ATP6V1H: variants seen among roughly 807,000 people sequenced by gnomAD.
The protein encoded by ATP6V1H is ATPase H+ transporting V1 subunit H.
In ATP6V1H, 39 loss-of-function variants were observed where a neutral mutation model predicts 71.7. That is an observed-to-expected ratio of 0.54 (90% confidence interval 0.42 to 0.71). ATP6V1H has a LOEUF of 0.71. Among genes scored for constraint, ATP6V1H ranks in the 30% least tolerant of loss-of-function variants. The probability of loss-of-function intolerance (pLI) is 0.00; values close to 1 mark genes in which losing one functional copy is unlikely to be tolerated. For missense variants in ATP6V1H, 509 were observed against 594.9 expected (o/e 0.86, Z 1.50); for synonymous variants, 192 against 199.3 (o/e 0.96, Z 0.31).
intron 13 of ATP6V1H, among the ~76,000 whole-genome samples, chr8:53,719,886 C>T (rs937711004): frequency 2.0e-5 from 3 of 152,180 alleles, no homozygotes; most frequent in African/African-American, 2.4e-5. Context: ...AGAAGGCAGA[C>T]ACTTCCTTTT....
At chr8:53,832,186 A>G (rs776047743) in intron 3 of ATP6V1H, 2 of 152,124 alleles carry the variant, frequency 1.3e-5, no homozygotes, top group African/African-American at 2.4e-5. Context: ...TTTTTGTAAA[A>G]AGTTCACATT....
chr8:53,783,983 A>G (rs1365197105), intron 9 of ATP6V1H, among the ~76,000 whole-genome samples: 1 of 152,190 alleles, frequency 6.6e-6, no homozygotes, highest in Non-Finnish European at 1.5e-5. Flanking sequence ...ATTTTGGAAT[A>G]GGTGTGGTGT....
At chr8:53,772,874 C>T (rs1808715508) in intron 9 of ATP6V1H, among the ~76,000 whole-genome samples, 1 of 138,196 alleles carries the variant, frequency 7.2e-6, no homozygotes, top group African/African-American at 3.1e-5. Context: ...GCTACTTTCA[C>T]CAAGCTAGTT....
intron 12 of ATP6V1H, among the ~76,000 whole-genome samples, chr8:53,753,260 A>G (rs1445197121): frequency 1.3e-5 from 2 of 152,218 alleles, no homozygotes; most frequent in Non-Finnish European, 2.9e-5. Flanking sequence ...AAGCCACTGG[A>G]AGGACATAGA....
chr8:53,831,612 G>T (rs527931879), intron 3 of ATP6V1H, among the ~76,000 whole-genome samples: 11 of 152,184 alleles, frequency 7.2e-5, no homozygotes, highest in African/African-American at 2.4e-4. Flanking sequence ...AGACCCAGAG[G>T]GGGTGCTGGA....
intron 3 of ATP6V1H, among the ~76,000 whole-genome samples, chr8:53,830,211 T>C (rs1329544496): frequency 1.3e-5 from 2 of 152,162 alleles, no homozygotes; most frequent in Admixed American, 6.5e-5. Flanking sequence ...CCAAAAAACA[T>C]AGTTTTAAGT....
chr8:53,817,400 A>G lies in ATP6V1H; in HGVS notation c.420+17T>C, dbSNP rs768691397. On this transcript the variant is annotated intron_variant, in intron 5 of 13. Transcript: ENST00000359530. ...AAAAAAATTTTAAAAAAAGAATCCA[A>G]TCAATTCAAAATTTACCATATGAAC... The G allele has an allele frequency of 2.6e-6, 4 of 1,550,726 alleles. No individual in the cohort carries two copies. Among genetic ancestry groups the G allele is most frequent in the Non-Finnish European group, 3.5e-6 (4 of 1,129,452 alleles).
intron 7 of ATP6V1H, among the ~76,000 whole-genome samples, chr8:53,807,819 A>G (rs148359140): frequency 2.6e-5 from 4 of 152,356 alleles, no homozygotes; most frequent in Admixed American, 1.3e-4. Context: ...ATATTTCAAT[A>G]AGGCTCTTTT....
chr8:53,836,431 T>G (rs1428121308), intron 2 of ATP6V1H, among the ~76,000 whole-genome samples: 1 of 152,240 alleles, frequency 6.6e-6, no homozygotes, highest in Non-Finnish European at 1.5e-5. Flanking sequence ...TTGTTTAAGT[T>G]ATTTTCTCTC....
At chr8:53,764,844 T>C (rs897011819) in intron 11 of ATP6V1H, among the ~76,000 whole-genome samples, 1 of 152,084 alleles carries the variant, frequency 6.6e-6, no homozygotes, top group Non-Finnish European at 1.5e-5. Context: ...ATGCCTATAA[T>C]CCTAGCATTT....
chr8:53,780,064 C>G (rs1250551691), intron 9 of ATP6V1H, among the ~76,000 whole-genome samples: 1 of 149,860 alleles, frequency 6.7e-6, no homozygotes, highest in East Asian at 2.0e-4. Flanking sequence ...AAGGCTGAGG[C>G]AGGAGAATCA....
chr8:53,841,437 C>G (rs1811337755), intron 2 of ATP6V1H, 141 bp downstream of exon 2: 2 of 1,026,372 alleles, frequency 1.9e-6, no homozygotes, highest in African/African-American at 3.2e-5. Flanking sequence ...CTCCCTAAGA[C>G]AGCTAATTAT....
At position 53,831,610 on chromosome 8, in the gene ATP6V1H, AG is replaced by A. The variant is rs990037868; in HGVS notation, c.216+1373del. Among the ~76,000 whole-genome samples, 11 of 152,354 alleles carry A rather than the reference AG, an allele frequency of 7.2e-5. No homozygotes were observed. In the South Asian group the frequency reaches 1.2e-3, roughly 17 times the overall value. ...CCAAAAGATGAATGGCTAGACCCAG[AG>A]GGGGTGCTGGAGCAGGGGCATGGGC... On this transcript the variant is annotated intron_variant, in intron 3 of 13. Transcript: ENST00000359530.
intron 7 of ATP6V1H, among the ~76,000 whole-genome samples, chr8:53,802,479 G>C (rs1475281905): frequency 6.6e-6 from 1 of 152,198 alleles, no homozygotes; most frequent in Non-Finnish European, 1.5e-5. Context: ...ACCACTTTGG[G>C]AGGCTGAGGC....
At chr8:53,803,242 C>A (rs1431079807) in intron 7 of ATP6V1H, among the ~76,000 whole-genome samples, 1 of 151,984 alleles carries the variant, frequency 6.6e-6, no homozygotes, top group Admixed American at 6.6e-5. Context: ...GAGGCTGAGG[C>A]AGAAGAGTCA....
At position 53,765,938 on chromosome 8, in the gene ATP6V1H, G is replaced by A. The variant is rs150606354; in HGVS notation, c.1175+3680C>T. On this transcript the variant is annotated intron_variant, in intron 11 of 13. Transcript: ENST00000359530. ...AGAATGTGGTATTGGTAAAAGAATA[G>A]ACAAATAGATCGCTGAAACAGAACA... Among the ~76,000 whole-genome samples, 1,039 of 152,264 alleles carry A rather than the reference G, an allele frequency of 6.8e-3. 11 individuals are homozygous for A. The highest frequency in any genetic ancestry group is 0.024 in the African/African-American group (986 of 41,544).
chr8:53,824,398 A>C (rs1810762544), intron 4 of ATP6V1H, among the ~76,000 whole-genome samples: 2 of 152,194 alleles, frequency 1.3e-5, no homozygotes, highest in South Asian at 4.1e-4. Flanking sequence ...CTGATACCTA[A>C]ACCAAATGAA....
rs575392673 is a variant in ATP6V1H, at chr8:53,811,102, G to A, written c.579+62C>T. 8.9e-6 allele frequency: 13 copies of A among 1,453,132 alleles called. No homozygotes were observed. In the South Asian group the frequency reaches 1.5e-4, roughly 17 times the overall value. 90.0% of individuals were successfully genotyped at this position (1,453,132 alleles called of 1,614,324 possible). On this transcript the variant is annotated intron_variant, in intron 7 of 13. Coordinates refer to ENST00000359530, the MANE Select transcript of ATP6V1H (RefSeq NM_015941.4). ...CTAGTAAACACCTTCAAAATTTTAA[G>A]TGTATATGACTCAAAATAATTTATT...
intron 13 of ATP6V1H, among the ~76,000 whole-genome samples, chr8:53,735,087 G>A (rs1396301414): frequency 2.0e-5 from 3 of 152,116 alleles, no homozygotes; most frequent in East Asian, 1.9e-4. Flanking sequence ...AGCACAATGC[G>A]AGGCAAGGTC....
Sources: gnomAD v4.1 joint callset for allele counts (sites outside exome capture counted in the v4.1 genomes callset) on GRCh38, gnomAD v4.1.1 for gene constraint, MANE v1.5 for transcripts, NCBI Gene and HGNC (gene_info 2026-07-23, HGNC 2026-07-21) for gene names.